Variants in ARHGAP32 observed in about 807,000 individuals in gnomAD.
ARHGAP32 encodes the protein rho GTPase-activating protein 32.
Under a neutral mutation model 186.5 loss-of-function variants are expected in ARHGAP32, and 51 were observed. The ratio of observed to expected loss-of-function variants is 0.27; its 90% CI spans 0.22 to 0.35. The LOEUF (loss-of-function observed/expected upper bound fraction) is 0.35, where lower values mean the gene tolerates loss of function less well. Among genes scored for constraint, ARHGAP32 ranks in the 10% least tolerant of loss-of-function variants. The pLI, the probability that ARHGAP32 is intolerant of heterozygous loss-of-function variation, is 1.00. For missense variants in ARHGAP32, 2,186 were observed against 2,623.5 expected (o/e 0.83, Z 3.64); for synonymous variants, 950 against 964.3 (o/e 0.99, Z 0.27).
At chr11:129,172,150 T>A (rs1050274648) in intron 1 of ARHGAP32, among the ~76,000 whole-genome samples, 4 of 152,198 alleles carry the variant, frequency 2.6e-5, no homozygotes, top group African/African-American at 7.2e-5. Context: ...CCTACCTGAA[T>A]AACCTTTATT....
chr11:129,205,330 G>C (rs1335561690), intron 1 of ARHGAP32, among the ~76,000 whole-genome samples: 1 of 152,044 alleles, frequency 6.6e-6, no homozygotes, highest in East Asian at 1.9e-4. Flanking sequence ...TTACATCACT[G>C]TTCTGACTTT....
chr11:129,177,431 A>AT (rs1943942833), intron 1 of ARHGAP32, among the ~76,000 whole-genome samples: 1 of 152,200 alleles, frequency 6.6e-6, no homozygotes, highest in African/African-American at 2.4e-5. Flanking sequence ...TCCCTAACTC[A>AT]TTTTACGAGG....
chr11:128,987,070 T>G lies in ARHGAP32; in HGVS notation c.1299-402A>C, dbSNP rs374016771. ...ATGAACAATTATGAGCAGAAATTCC[T>G]CAGATACAGATTGTACAACACAGAA... On this transcript the variant is annotated intron_variant, in intron 13 of 22. Transcript: ENST00000682385. Among the ~76,000 whole-genome samples the G allele has an allele frequency of 2.4e-4, 36 of 152,272 alleles. No individual in the cohort carries two copies. In the East Asian group the frequency reaches 2.7e-3, roughly 11 times the overall value.
intron 11 of ARHGAP32, among the ~76,000 whole-genome samples, chr11:129,008,838 T>C (rs1188749070): frequency 6.6e-6 from 1 of 152,222 alleles, no homozygotes; most frequent in Admixed American, 6.5e-5. Context: ...ATGAGACATT[T>C]ATAGTATAGT....
At chr11:129,257,889 G>C (rs1165462418) in intron 1 of ARHGAP32, among the ~76,000 whole-genome samples, 1 of 151,992 alleles carries the variant, frequency 6.6e-6, no homozygotes, top group Non-Finnish European at 1.5e-5. Context: ...GCATTTATCT[G>C]ATGATATATA....
intron 6 of ARHGAP32, among the ~76,000 whole-genome samples, chr11:129,090,952 T>A (rs947469048): frequency 3.3e-5 from 5 of 152,184 alleles, no homozygotes; most frequent in African/African-American, 1.2e-4. Context: ...CTTGAGAAGG[T>A]TCCTCATCCA....
Position 129,099,266 on chromosome 11 carries a change from A to G in ARHGAP32, c.445-5559T>C, listed in dbSNP as rs576111885. On this transcript the variant is annotated intron_variant, in intron 5 of 22. Transcript: ENST00000682385. ...AAACTGCATATATCACAGTGGGCCC[A>G]TAAGATTATAAAACCACATTCTTAC... is the stretch of plus-strand genomic sequence containing the variant. 3.3e-5 allele frequency among the ~76,000 whole-genome samples: 5 copies of G among 152,352 alleles called. No homozygotes were observed. The East Asian group carries it at 5.8e-4, about 18-fold the overall frequency.
Position 129,236,782 on chromosome 11 carries a change from T to C in ARHGAP32, c.-5+42364A>G, listed in dbSNP as rs537392196. ...TTGCTCTGGCTAGGACTTCCAGTAC[T>C]ATACTGAATAGAAGTGGTGAAAGTA... On this transcript the variant is annotated intron_variant, in intron 1 of 6. Coordinates refer to the ARHGAP32 transcript ENST00000525234. Among the ~76,000 whole-genome samples the C allele has an allele frequency of 3.9e-5, 6 of 152,344 alleles. No individual in the cohort carries two copies. In the South Asian group the frequency reaches 1.2e-3, roughly 32 times the overall value.
chr11:129,098,260 T>A lies in ARHGAP32; in HGVS notation c.445-4553A>T, dbSNP rs558866608. ...ACTAACTCAAACCCTAATGAAGAAG[T>A]AAGAACTCAATAAAGGTAAATATAT... On this transcript the variant is annotated intron_variant, in intron 5 of 22. Coordinates refer to ENST00000682385, the MANE Select transcript of ARHGAP32 (RefSeq NM_001378024.1). Among the ~76,000 whole-genome samples the A allele has an allele frequency of 3.9e-5, 6 of 152,162 alleles. No individual in the cohort carries two copies. In the East Asian group the frequency reaches 9.7e-4, roughly 25 times the overall value.
chr11:129,183,932 ATTAAG>A (rs1944105358), intron 1 of ARHGAP32, among the ~76,000 whole-genome samples: 1 of 152,190 alleles, frequency 6.6e-6, no homozygotes, highest in Non-Finnish European at 1.5e-5. Context: ...CTCAAAAATC[ATTAAG>A]TTAAATAGGA....
At chr11:129,260,907 G>T (rs1945312953) in intron 1 of ARHGAP32, among the ~76,000 whole-genome samples, 2 of 152,170 alleles carry the variant, frequency 1.3e-5, no homozygotes, top group South Asian at 4.1e-4. Context: ...GAATCATGAT[G>T]CTGAAAGGAT....
chr11:129,163,627 T>C (rs971396807), intron 2 of ARHGAP32, among the ~76,000 whole-genome samples: 1 of 152,156 alleles, frequency 6.6e-6, no homozygotes, highest in South Asian at 2.1e-4. Flanking sequence ...TGTGCTATCA[T>C]CCTGGTTCAA....
chr11:129,139,327 AAT>A (rs2135423007), intron 2 of ARHGAP32, among the ~76,000 whole-genome samples: 1 of 152,360 alleles, frequency 6.6e-6, no homozygotes, highest in East Asian at 1.9e-4. Flanking sequence ...ATAGTCATTA[AAT>A]ATGTTTATCA....
At chr11:129,004,400 T>G (rs1375564475) in intron 11 of ARHGAP32, among the ~76,000 whole-genome samples, 3 of 152,000 alleles carry the variant, frequency 2.0e-5, no homozygotes, top group African/African-American at 7.2e-5. Context: ...ATTTAGTCTA[T>G]AGTGCAGATT....
chr11:129,123,606 G>A lies in ARHGAP32; in HGVS notation c.360-76C>T, dbSNP rs920764849. 1.5e-6 allele frequency: 2 copies of A among 1,335,986 alleles called. No individual in the cohort carries two copies. Among genetic ancestry groups the A allele is most frequent in the Non-Finnish European group, 2.1e-6 (2 of 947,368 alleles). The allele number at this position is 1,335,986 out of a possible 1,614,324, so 82.8% of individuals were successfully genotyped here. On this transcript the variant is annotated intron_variant, in intron 4 of 22. Coordinates refer to ENST00000682385, the MANE Select transcript of ARHGAP32 (RefSeq NM_001378024.1). The surrounding 1 kb of genome is among the most constrained non-coding windows in gnomAD (Gnocchi z 4.6). ...ACTAAGTTTAAGGGAAAAATACAGT[G>A]GATTTAAGAGCTCATGCAAGCAAAA...
intron 2 of ARHGAP32, among the ~76,000 whole-genome samples, chr11:129,134,885 C>G (rs1178422401): frequency 6.6e-6 from 1 of 152,204 alleles, no homozygotes; most frequent in African/African-American, 2.4e-5. Flanking sequence ...TCACCAGACA[C>G]TGAATCTGCT....
At chr11:129,276,180 T>G (rs933034812) in intron 1 of ARHGAP32, among the ~76,000 whole-genome samples, 1 of 152,236 alleles carries the variant, frequency 6.6e-6, no homozygotes, top group South Asian at 2.1e-4. Flanking sequence ...CTCCAAGTAA[T>G]TGAAAATTCC....
chr11:129,106,787 A>G (rs1942059818), intron 5 of ARHGAP32, among the ~76,000 whole-genome samples: 1 of 152,224 alleles, frequency 6.6e-6, no homozygotes, highest in South Asian at 2.1e-4. Context: ...GATAAAATGT[A>G]ATGAACAGAA....
At chr11:129,231,264 G>A (rs1365334669) in intron 1 of ARHGAP32, among the ~76,000 whole-genome samples, 1 of 151,944 alleles carries the variant, frequency 6.6e-6, no homozygotes, top group Admixed American at 6.6e-5. Flanking sequence ...CCCTATTTTT[G>A]ACAGCTATTA....
Sources: allele counts gnomAD v4.1 joint callset (sites outside exome capture counted in the v4.1 genomes callset), GRCh38; gene constraint gnomAD v4.1.1; non-coding constraint Gnocchi (gnomAD v3.1); transcripts MANE v1.5; gene names NCBI Gene and HGNC (gene_info 2026-07-23, HGNC 2026-07-21).